OVCH1: variants seen among roughly 807,000 people sequenced by gnomAD.
OVCH1 encodes ovochymase-1.
Under a neutral mutation model 138.4 loss-of-function variants are expected in OVCH1, and 139 were observed. That is an observed-to-expected ratio of 1.00 (90% CI 0.87 to 1.16). OVCH1 has a LOEUF of 1.16. Among genes scored for constraint, OVCH1 ranks in the 50% most tolerant of loss-of-function variants. The pLI, the probability that OVCH1 is intolerant of heterozygous loss-of-function variation, is 0.00. For missense variants in OVCH1, 1,367 were observed against 1,357.9 expected (o/e 1.01, Z -0.11); for synonymous variants, 453 against 467.8 (o/e 0.97, Z 0.41).
At chr12:29,463,587 A>C (rs1259787541) in intron 18 of OVCH1, among the ~76,000 whole-genome samples, 1 of 152,222 alleles carries the variant, frequency 6.6e-6, no homozygotes, top group East Asian at 1.9e-4. Context: ...GAAGCCATTA[A>C]GATTATAAGC....
At chr12:29,480,033 AG>A (rs1426562656) in intron 8 of OVCH1, among the ~76,000 whole-genome samples, 2 of 152,032 alleles carry the variant, frequency 1.3e-5, no homozygotes, top group Non-Finnish European at 2.9e-5. Context: ...CATATTGGCC[AG>A]GCTGGTCTTG....
chr12:29,431,292 G>GGGAAGGA (rs1463680039), intron 27 of OVCH1, among the ~76,000 whole-genome samples: 9 of 152,018 alleles, frequency 5.9e-5, no homozygotes, highest in African/African-American at 2.2e-4. Flanking sequence ...AAAAGTGCTA[G>GGGAAGGA]CCAGGTATGG....
chr12:29,478,962 A>T, intron 8 of OVCH1: 9 of 1,335,208 alleles, frequency 6.7e-6, no homozygotes, highest in Non-Finnish European at 8.2e-6. Context: ...TTTTCCAAAC[A>T]TATAAGCTGG....
downstream of OVCH1, chr12:29,412,458 T>C (rs12811372): frequency 0.56 from 85,253 of 151,694 alleles, 25,986 homozygotes; most frequent in Middle Eastern, 0.77. Context: ...TATTCGGCCA[T>C]CTTGGCTCCT....
chr12:29,434,308 TAA>T (rs1327122664), intron 26 of OVCH1, among the ~76,000 whole-genome samples: 2 of 152,184 alleles, frequency 1.3e-5, no homozygotes, highest in East Asian at 3.9e-4. Flanking sequence ...TCCAGAAAAA[TAA>T]AGAGTATGCT....
intron 24 of OVCH1, 112 bp downstream of exon 24, chr12:29,444,033 C>CTTCACCT: frequency 7.8e-7 from 1 of 1,279,456 alleles, no homozygotes; most frequent in East Asian, 2.5e-5. Flanking sequence ...AGAGTCTATT[C>CTTCACCT]TTTTTGGAAA....
downstream of OVCH1, among the ~76,000 whole-genome samples, chr12:29,410,489 T>A (rs1371326029): frequency 7.3e-6 from 1 of 136,730 alleles, no homozygotes; most frequent in African/African-American, 2.5e-5. Flanking sequence ...TCAGGAGCTC[T>A]TTTAGGTCAG....
chr12:29,494,755 T>C (rs1943367125), intron 4 of OVCH1, among the ~76,000 whole-genome samples: 1 of 152,102 alleles, frequency 6.6e-6, no homozygotes, highest in Admixed American at 6.5e-5. Flanking sequence ...ATGTGTGAGC[T>C]AAAATGCTGA....
chr12:29,471,837 T>C (rs1942518220), exon 16 of OVCH1: 2 of 1,612,580 alleles, frequency 1.2e-6, no homozygotes, highest in South Asian at 1.1e-5. Context: ...GAATCCACAC[T>C]GGGTTGATGA....
intron 25 of OVCH1, among the ~76,000 whole-genome samples, chr12:29,441,747 T>C (rs1321211514): frequency 6.6e-6 from 1 of 152,064 alleles, no homozygotes; most frequent in Non-Finnish European, 1.5e-5. Flanking sequence ...ATATCCAGAA[T>C]ATACAATGAA....
rs999263505 is a variant in OVCH1, at chr12:29,477,732, A to C, written c.1070-154T>G. 4.6e-5 allele frequency among the ~76,000 whole-genome samples: 7 copies of C among 152,194 alleles called. No homozygotes were observed. The South Asian group carries it at 1.2e-3, about 27-fold the overall frequency. ...CTAACTCAAAATTCAGCTCTCTGATAAACTCTACCAGACAACCACTGGAAA... is the reference window on the plus strand; with the variant it reads ...CTAACTCAAAATTCAGCTCTCTGATCAACTCTACCAGACAACCACTGGAAA... On this transcript the variant is annotated intron_variant, in intron 9 of 27. Transcript: ENST00000318184.
chr12:29,412,301 G>T (rs1940970529), downstream of OVCH1, among the ~76,000 whole-genome samples: 1 of 152,048 alleles, frequency 6.6e-6, no homozygotes, highest in Non-Finnish European at 1.5e-5. Flanking sequence ...CACGCACGGT[G>T]AGCTGCGCAC....
intron 27 of OVCH1, among the ~76,000 whole-genome samples, chr12:29,432,067 TG>T (rs1941279871): frequency 6.6e-6 from 1 of 152,202 alleles, no homozygotes; most frequent in South Asian, 2.1e-4. Flanking sequence ...GCAGAGGGCA[TG>T]CTTGCTGAGG....
At chr12:29,478,457 T>G (rs980697832) in intron 9 of OVCH1, among the ~76,000 whole-genome samples, 3 of 152,228 alleles carry the variant, frequency 2.0e-5, no homozygotes, top group South Asian at 2.1e-4. Context: ...TTCTGACAAC[T>G]GTGACATCAA....
chr12:29,480,718 A>G (rs1212888722), intron 8 of OVCH1, among the ~76,000 whole-genome samples: 1 of 132,644 alleles, frequency 7.5e-6, no homozygotes, highest in African/African-American at 2.8e-5. Flanking sequence ...GAATCCAGCT[A>G]CCACCTACCA....
At chr12:29,440,910 A>G (rs986337387) in intron 25 of OVCH1, among the ~76,000 whole-genome samples, 166 bp from the exon 26 acceptor site, 1 of 152,210 alleles carries the variant, frequency 6.6e-6, no homozygotes, top group Non-Finnish European at 1.5e-5. Flanking sequence ...TTAGGAAGGC[A>G]AAGGCCAGCA....
chr12:29,464,987 A>G (rs1163832349), intron 17 of OVCH1, among the ~76,000 whole-genome samples, 160 bp downstream of exon 17: 1 of 152,180 alleles, frequency 6.6e-6, no homozygotes, highest in Non-Finnish European at 1.5e-5. Context: ...TCAAGTGAAA[A>G]TGTAATCTCA....
At chr12:29,479,344 C>T (rs192635704) in intron 8 of OVCH1, among the ~76,000 whole-genome samples, 12 of 152,284 alleles carry the variant, frequency 7.9e-5, no homozygotes, top group African/African-American at 2.4e-4. Flanking sequence ...GACCATACAG[C>T]GTATGCTAAC....
chr12:29,497,195 G>C (rs554579184), intron 1 of OVCH1, among the ~76,000 whole-genome samples: 3 of 152,248 alleles, frequency 2.0e-5, no homozygotes, highest in African/African-American at 7.2e-5. Flanking sequence ...CATTAGCCCT[G>C]GAGTTTGAGG....
Sources: gnomAD v4.1 joint callset for allele counts (sites outside exome capture counted in the v4.1 genomes callset) on GRCh38, gnomAD v4.1.1 for gene constraint, MANE v1.5 for transcripts, NCBI Gene and HGNC (gene_info 2026-07-23, HGNC 2026-07-21) for gene names.